HERC4: variants seen among roughly 807,000 people sequenced by gnomAD.
HERC4 encodes HECT and RLD domain containing E3 ubiquitin protein ligase 4, also known as probable E3 ubiquitin-protein ligase HERC4.
HERC4 carries 28 observed loss-of-function variants against 124.3 expected under a neutral mutation model. The observed-to-expected ratio is 0.23, with a 90% CI of 0.17 to 0.31. The LOEUF (loss-of-function observed/expected upper bound fraction) is 0.31, where lower values mean the gene tolerates loss of function less well. HERC4 is among the 10% of genes least tolerant of loss of function. HERC4 has a pLI of 1.00. For missense variants in HERC4, 713 were observed against 1,229.3 expected, an observed-to-expected ratio of 0.58 and a Z score of 6.28; for synonymous variants, 407 against 421.5, an observed-to-expected ratio of 0.97 and a Z score of 0.42.
chr10:68,069,370 C>G (rs1338466218), intron 3 of HERC4: 2 of 985,018 alleles, frequency 2.0e-6, no homozygotes, highest in Middle Eastern at 5.2e-4. Flanking sequence ...ATTCACTTCT[C>G]TGGAAATAAT....
intron 16 of HERC4, among the ~76,000 whole-genome samples, chr10:67,958,072 G>A (rs1025183663): frequency 1.2e-4 from 19 of 152,180 alleles, no homozygotes; most frequent in African/African-American, 4.6e-4. Flanking sequence ...CTCCCAAAGT[G>A]CTGGGATTAC....
At chr10:68,001,455 G>A (rs2037226977) in intron 9 of HERC4, among the ~76,000 whole-genome samples, 1 of 152,054 alleles carries the variant, frequency 6.6e-6, no homozygotes. Context: ...TCATGCTGGG[G>A]GCCATGGGTT....
chr10:68,014,254 G>A (rs1288532784), intron 8 of HERC4, 68 bp from the exon 9 acceptor site: 32 of 1,327,146 alleles, frequency 2.4e-5, no homozygotes, highest in Non-Finnish European at 3.2e-5. Context: ...GACAAAAGCA[G>A]AGAAAATATC....
At chr10:67,935,996 G>C (rs1280365531) in intron 22 of HERC4, among the ~76,000 whole-genome samples, 157 bp downstream of exon 22, 1 of 152,074 alleles carries the variant, frequency 6.6e-6, no homozygotes, top group African/African-American at 2.4e-5. Context: ...GTCTTCAAGG[G>C]ATTTCAGGAG....
In HERC4 at chr10:68,059,855, C is replaced by A. The variant is rs28614059; in HGVS notation, c.226+13028G>T. On this transcript the variant is annotated intron_variant, in intron 3 of 24. Coordinates refer to ENST00000373700, the MANE Select transcript of HERC4 (RefSeq NM_015601.4). ...TTATATATTATAATATATTATATATCATAATATTATATATTATAATAATAT... is the reference window on the plus strand; with the variant it reads ...TTATATATTATAATATATTATATATAATAATATTATATATTATAATAATAT... 5.9e-4 allele frequency among the ~76,000 whole-genome samples: 23 copies of A among 38,952 alleles called. 2 individuals are homozygous for A. The highest frequency in any genetic ancestry group is 1.0e-3 in the Admixed American group (2 of 1,972). 25.6% of individuals were successfully genotyped at this position (38,952 alleles called of 152,430 possible).
intron 13 of HERC4, 61 bp downstream of exon 13, chr10:67,990,843 T>A (rs2036513004): frequency 9.6e-7 from 1 of 1,046,078 alleles, no homozygotes; most frequent in African/African-American, 1.6e-5. Context: ...TATAAACGTA[T>A]AAAACAAAAG....
intron 8 of HERC4, among the ~76,000 whole-genome samples, chr10:68,014,963 T>C (rs1157393799): frequency 1.3e-5 from 2 of 152,252 alleles, no homozygotes; most frequent in Non-Finnish European, 2.9e-5. Context: ...CTCTTTGCCA[T>C]TTGTGGCATA....
At chr10:68,014,293 T>C in intron 8 of HERC4, 107 bp from the exon 9 acceptor site, 1 of 991,176 alleles carries the variant, frequency 1.0e-6, no homozygotes. Context: ...TTTCAAAAAA[T>C]TAATAAAACC....
intron 23 of HERC4, among the ~76,000 whole-genome samples, chr10:67,930,227 A>C (rs187625257): frequency 2.0e-5 from 3 of 152,306 alleles, no homozygotes; most frequent in Admixed American, 2.0e-4. Context: ...CTCATTTGCA[A>C]ATTAAAAAAA....
At chr10:67,981,672 A>G (rs746220767) in intron 15 of HERC4, among the ~76,000 whole-genome samples, 8 of 152,234 alleles carry the variant, frequency 5.3e-5, no homozygotes, top group Non-Finnish European at 8.8e-5. Flanking sequence ...AAAAACTGAA[A>G]TAGGCCAGGC....
intron 8 of HERC4, among the ~76,000 whole-genome samples, chr10:68,021,775 T>C (rs1245272841): frequency 6.6e-6 from 1 of 151,956 alleles, no homozygotes; most frequent in Non-Finnish European, 1.5e-5. Context: ...GCCATTGCAC[T>C]CCAGCCTGGG....
At chr10:67,979,946 A>G (rs889307867) in intron 15 of HERC4, among the ~76,000 whole-genome samples, 1 of 152,022 alleles carries the variant, frequency 6.6e-6, no homozygotes, top group African/African-American at 2.4e-5. Context: ...CAAAAAAAAA[A>G]GAAAAAAAAA....
At chr10:67,927,379 CATATATATATAT>C (rs768914387) in intron 23 of HERC4, among the ~76,000 whole-genome samples, 11 of 88,012 alleles carry the variant, frequency 1.2e-4, no homozygotes, top group African/African-American at 4.6e-4. Context: ...ATAAATACAC[CATATATATATAT>C]ATATATATAT....
intron 16 of HERC4, 117 bp downstream of exon 16, chr10:67,966,562 AAAGT>A (rs1452275397): frequency 2.3e-6 from 2 of 875,822 alleles, no homozygotes; most frequent in Non-Finnish European, 3.5e-6. Flanking sequence ...TATTATTTAA[AAAGT>A]AAGTTCTGGA....
chr10:68,034,622 C>T (rs530474087), intron 5 of HERC4, among the ~76,000 whole-genome samples: 1 of 152,290 alleles, frequency 6.6e-6, no homozygotes, highest in South Asian at 2.1e-4. Context: ...AAAAAACCCA[C>T]ATAACCCATT....
chr10:67,975,515 A>G (rs1430302293), intron 15 of HERC4, among the ~76,000 whole-genome samples: 1 of 151,978 alleles, frequency 6.6e-6, no homozygotes, highest in African/African-American at 2.4e-5. Context: ...ATGCCCAGCT[A>G]ATTTTTTGTA....
intron 15 of HERC4, chr10:67,988,100 T>C (rs1450642256): frequency 6.6e-6 from 1 of 152,136 alleles, no homozygotes; most frequent in Non-Finnish European, 1.5e-5. Context: ...TACTTCTTCA[T>C]ATAACTTTGA....
chr10:67,927,430 A>ATATATATATTTTTTTT (rs1564911511), intron 23 of HERC4, among the ~76,000 whole-genome samples: 1 of 37,926 alleles, frequency 2.6e-5, no homozygotes, highest in African/African-American at 5.8e-5. Flanking sequence ...ATATATATAT[A>ATATATATATTTTTTTT]TTTTTTTTTT....
At chr10:68,051,895 G>A (rs1384137042) in intron 3 of HERC4, among the ~76,000 whole-genome samples, 2 of 146,374 alleles carry the variant, frequency 1.4e-5, no homozygotes, top group South Asian at 2.2e-4. Flanking sequence ...TCTCGAACTC[G>A]TGAGCTCAAG....
Sources: gnomAD v4.1 joint callset for allele counts (sites outside exome capture counted in the v4.1 genomes callset) on GRCh38, gnomAD v4.1.1 for gene constraint, MANE v1.5 for transcripts, NCBI Gene and HGNC (gene_info 2026-07-23, HGNC 2026-07-21) for gene names.